The following ZNF385B variants were observed in gnomAD, a reference collection of about 807,000 sequenced individuals.
The protein encoded by ZNF385B is zinc finger protein 385B, also known as zinc finger protein 533.
ZNF385B carries 23 observed loss-of-function variants against 39.2 expected under a neutral mutation model. The ratio of observed to expected loss-of-function variants is 0.59; its 90% CI spans 0.42 to 0.83. The LOEUF is 0.83. Among genes scored for constraint, ZNF385B ranks in the 40% least tolerant of loss-of-function variants. ZNF385B has a pLI of 0.00. For missense variants in ZNF385B, 552 were observed against 598.9 expected, an observed-to-expected ratio of 0.92 and a Z score of 0.82; for synonymous variants, 205 against 222.6, an observed-to-expected ratio of 0.92 and a Z score of 0.70.
intron 6 of ZNF385B, among the ~76,000 whole-genome samples, chr2:179,457,630 CTAGTGA>C (rs1470863199): frequency 6.6e-6 from 1 of 152,034 alleles, no homozygotes; most frequent in Non-Finnish European, 1.5e-5. Flanking sequence ...TCCCCAATAG[CTAGTGA>C]TAATGAGCTC....
chr2:179,518,579 C>G lies in ZNF385B; in HGVS notation c.501G>C (p.Lys167Asn). ...NHTFGVSIPPKKKQVISCNVC... is the reference protein window; with the variant it reads ...NHTFGVSIPPNKKQVISCNVC... ...CATTACAAGAAATAACTTGTTTCTT[C>G]TTTGGGGGAATGGATACTCCAAATG... Residue 167 changes from lysine to asparagine, a missense_variant, in exon 5 of 10, where the codon AAG becomes AAC. By Grantham distance (94) the Lys-to-Asn change is moderately conservative. Transcript: ENST00000410066. 1 of 1,609,628 alleles carries G rather than the reference C, an allele frequency of 6.2e-7. No individual in the cohort carries two copies. The highest frequency in any genetic ancestry group is 8.5e-7 in the Non-Finnish European group (1 of 1,178,452).
In ZNF385B at chr2:179,810,370, G is replaced by T. The variant is rs148323297; in HGVS notation, c.-154-39698C>A. Reference sequence around the variant, plus strand: ...TTAAAATGCATATAAAAATAAACAAGAAAGTTTGTTGATTTTACTAACAAT... The same window carrying T: ...TTAAAATGCATATAAAAATAAACAATAAAGTTTGTTGATTTTACTAACAAT... On this transcript the variant is annotated intron_variant, in intron 1 of 9. Coordinates refer to ENST00000410066, the MANE Select transcript of ZNF385B (RefSeq NM_152520.6). Among the ~76,000 whole-genome samples, 553 of 151,814 alleles carry T rather than the reference G, an allele frequency of 3.6e-3. 6 individuals are homozygous for T. The highest frequency in any genetic ancestry group is 0.013 in the African/African-American group (532 of 41,472).
intron 6 of ZNF385B, among the ~76,000 whole-genome samples, chr2:179,461,762 G>C (rs371487410): frequency 2.6e-5 from 4 of 152,182 alleles, no homozygotes; most frequent in African/African-American, 9.7e-5. Context: ...GAGGGCTTCA[G>C]GTGGAAAATG....
chr2:179,796,120 G>C (rs1385839057), intron 1 of ZNF385B: 1 of 152,116 alleles, frequency 6.6e-6, no homozygotes, highest in Non-Finnish European at 1.5e-5. Context: ...TACCAATCTT[G>C]AGGAAATTTA....
At chr2:179,559,226 CA>C (rs1292507414) in intron 3 of ZNF385B, among the ~76,000 whole-genome samples, 4 of 152,158 alleles carry the variant, frequency 2.6e-5, no homozygotes, top group African/African-American at 9.7e-5. Context: ...CTAAGTTCTT[CA>C]AACACTCCTG....
intron 3 of ZNF385B, among the ~76,000 whole-genome samples, chr2:179,713,722 A>G (rs572503413): frequency 6.6e-6 from 1 of 152,342 alleles, no homozygotes; most frequent in South Asian, 2.1e-4. Flanking sequence ...AGTATTAATG[A>G]TTGACTGAAT....
chr2:179,580,328 C>T (rs140010929), intron 3 of ZNF385B, among the ~76,000 whole-genome samples: 175 of 152,230 alleles, frequency 1.1e-3, no homozygotes, highest in African/African-American at 3.9e-3. Flanking sequence ...AAGCCACTAA[C>T]GTAATCTTCC....
intron 3 of ZNF385B, among the ~76,000 whole-genome samples, chr2:179,621,273 G>T (rs190206200): frequency 1.7e-3 from 258 of 152,140 alleles, no homozygotes; most frequent in Non-Finnish European, 2.7e-3. Flanking sequence ...TTCCAACCTG[G>T]AATATCTTTA....
chr2:179,642,353 T>C (rs1692341785), intron 3 of ZNF385B, among the ~76,000 whole-genome samples: 2 of 152,162 alleles, frequency 1.3e-5, no homozygotes, highest in Non-Finnish European at 2.9e-5. Context: ...ATTTACATCC[T>C]CAAACATGGA....
chr2:179,661,553 T>C (rs1248666631), intron 3 of ZNF385B, among the ~76,000 whole-genome samples: 2 of 152,220 alleles, frequency 1.3e-5, no homozygotes, highest in African/African-American at 4.8e-5. Context: ...CTGTCTAATA[T>C]ACCAGGTGAT....
intron 3 of ZNF385B, among the ~76,000 whole-genome samples, chr2:179,552,602 C>T (rs947814740): frequency 4.7e-5 from 7 of 148,950 alleles, no homozygotes; most frequent in African/African-American, 1.8e-4. Context: ...ACACCTAATA[C>T]TGTATATTTT....
intron 3 of ZNF385B, among the ~76,000 whole-genome samples, chr2:179,734,770 T>A (rs1250674154): frequency 6.6e-6 from 1 of 152,174 alleles, no homozygotes; most frequent in Admixed American, 6.5e-5. Flanking sequence ...TAATAGAATA[T>A]GTATACTGCC....
chr2:179,803,309 T>A (rs1281099064), intron 1 of ZNF385B, among the ~76,000 whole-genome samples: 1 of 152,172 alleles, frequency 6.6e-6, no homozygotes, highest in Non-Finnish European at 1.5e-5. Context: ...CAGTAATGTT[T>A]CGTTATACTT....
At chr2:179,678,015 C>G (rs1269022833) in intron 3 of ZNF385B, among the ~76,000 whole-genome samples, 1 of 152,032 alleles carries the variant, frequency 6.6e-6, no homozygotes, top group Non-Finnish European at 1.5e-5. Flanking sequence ...ATATAAATAG[C>G]TCTTTTTTTT....
At chr2:179,634,645 C>T (rs1374118647) in intron 3 of ZNF385B, among the ~76,000 whole-genome samples, 8 of 152,236 alleles carry the variant, frequency 5.3e-5, no homozygotes, top group Non-Finnish European at 7.4e-5. Flanking sequence ...GACAGTGTGG[C>T]GATTCCTCAA....
intron 3 of ZNF385B, among the ~76,000 whole-genome samples, chr2:179,666,587 C>T (rs529766933): frequency 1.3e-5 from 2 of 152,146 alleles, no homozygotes; most frequent in East Asian, 3.9e-4. Flanking sequence ...CTTAAAATGA[C>T]TCCAAAACCA....
At chr2:179,565,950 T>C (rs1436872962) in intron 3 of ZNF385B, among the ~76,000 whole-genome samples, 1 of 152,228 alleles carries the variant, frequency 6.6e-6, no homozygotes, top group African/African-American at 2.4e-5. Context: ...TACTTGTGCA[T>C]GTGTCTTCTT....
chr2:179,544,613 T>A (rs915854168), intron 4 of ZNF385B, among the ~76,000 whole-genome samples: 3 of 152,222 alleles, frequency 2.0e-5, no homozygotes, highest in African/African-American at 4.8e-5. Flanking sequence ...CAGAAAATAT[T>A]TTCTGTGGAA....
At chr2:179,840,198 T>A (rs528773868) in intron 1 of ZNF385B, among the ~76,000 whole-genome samples, 2 of 152,280 alleles carry the variant, frequency 1.3e-5, no homozygotes, top group African/African-American at 4.8e-5. Context: ...AGATGTGTGA[T>A]CCCCCGGCAC....
Sources: allele counts gnomAD v4.1 joint callset (sites outside exome capture counted in the v4.1 genomes callset), GRCh38; gene constraint gnomAD v4.1.1; transcripts MANE v1.5; gene names NCBI Gene and HGNC (gene_info 2026-07-23, HGNC 2026-07-21).